The following SNX30 variants were observed in gnomAD, a reference collection of about 807,000 sequenced individuals.
The protein encoded by SNX30 is sorting nexin family member 30, also known as sorting nexin-30.
A neutral mutation model predicts 46.4 loss-of-function variants in SNX30; 24 were observed. The ratio of observed to expected loss-of-function variants is 0.52; its 90% CI spans 0.37 to 0.73. The LOEUF (loss-of-function observed/expected upper bound fraction) is 0.73. Ranked by LOEUF, SNX30 falls within the 30% of genes least tolerant of loss-of-function variation. The pLI is 0.00. For synonymous variants in SNX30, 189 were observed against 211.5 expected (o/e 0.89, Z 0.92); for missense variants, 533 against 555.7 (o/e 0.96, Z 0.41).
chr9:112,768,912 C>T (rs555671287), intron 1 of SNX30, among the ~76,000 whole-genome samples: 1 of 152,218 alleles, frequency 6.6e-6, no homozygotes, highest in Non-Finnish European at 1.5e-5. Flanking sequence ...ACTTCAGCCT[C>T]CCAAAGTGCT....
At position 112,873,379 on chromosome 9, in the gene SNX30, G is replaced by C. The variant is rs759701388; in HGVS notation, c.*4536G>C. 13 of 152,176 alleles carry C rather than the reference G, an allele frequency of 8.5e-5. No homozygotes were observed. Among genetic ancestry groups the C allele is most frequent in the Non-Finnish European group, 1.9e-4 (13 of 68,036 alleles). 9.4% of individuals were successfully genotyped at this position (152,176 alleles called of 1,614,324 possible). On this transcript the variant is annotated 3_prime_UTR_variant, in exon 9 of 9. Transcript: ENST00000374232. ...CCCAACTCTACTTTTTTGAGAATTTGTCCGTACCTACTAATATGCCTTATT... is the reference window on the plus strand; with the variant it reads ...CCCAACTCTACTTTTTTGAGAATTTCTCCGTACCTACTAATATGCCTTATT...
chr9:112,813,469 ATTTT>A (rs34581439), intron 2 of SNX30, among the ~76,000 whole-genome samples: 12 of 132,348 alleles, frequency 9.1e-5, no homozygotes, highest in Non-Finnish European at 1.6e-4. Context: ...ACTGTATTTA[ATTTT>A]TTTTTTTTTT....
chr9:112,824,938 C>T (rs1840559615), intron 3 of SNX30, among the ~76,000 whole-genome samples: 1 of 152,256 alleles, frequency 6.6e-6, no homozygotes, highest in East Asian at 1.9e-4. Flanking sequence ...CTATTTAATC[C>T]AGAACATTTT....
chr9:112,822,705 C>A (rs1840522752), intron 3 of SNX30, among the ~76,000 whole-genome samples: 1 of 152,040 alleles, frequency 6.6e-6, no homozygotes, highest in Admixed American at 6.6e-5. Context: ...TACCTGTAGA[C>A]CAAAAATATG....
At chr9:112,792,255 T>C (rs556733581) in intron 1 of SNX30, among the ~76,000 whole-genome samples, 12 of 152,334 alleles carry the variant, frequency 7.9e-5, no homozygotes, top group South Asian at 6.2e-4. Flanking sequence ...AGGTTTTTTC[T>C]CTCTATTTAA....
chr9:112,808,451 T>G (rs926149098), intron 2 of SNX30, among the ~76,000 whole-genome samples: 27 of 152,206 alleles, frequency 1.8e-4, no homozygotes, highest in Admixed American at 1.2e-3. Context: ...AGAGCCAGTT[T>G]AGGCCTTCTT....
chr9:112,814,995 G>A (rs1378768250), intron 2 of SNX30, among the ~76,000 whole-genome samples: 3 of 152,190 alleles, frequency 2.0e-5, no homozygotes, highest in Non-Finnish European at 4.4e-5. Flanking sequence ...AGATGTCCAA[G>A]ATGTGCTAAA....
chr9:112,786,699 C>T (rs976797418), intron 1 of SNX30, among the ~76,000 whole-genome samples: 2 of 149,952 alleles, frequency 1.3e-5, no homozygotes, highest in Non-Finnish European at 3.0e-5. Flanking sequence ...AGATGGGGTT[C>T]CACCATGTTG....
chr9:112,791,140 G>A (rs1011243136), intron 1 of SNX30, among the ~76,000 whole-genome samples: 7 of 151,948 alleles, frequency 4.6e-5, no homozygotes, highest in East Asian at 1.9e-4. Flanking sequence ...AACCATCATC[G>A]CTATCTAATT....
intron 1 of SNX30, among the ~76,000 whole-genome samples, chr9:112,768,444 T>G (rs1839581182): frequency 6.6e-6 from 1 of 152,152 alleles, no homozygotes; most frequent in African/African-American, 2.4e-5. Context: ...ACATGATCCC[T>G]AAGTGATTTG....
downstream of SNX30, among the ~76,000 whole-genome samples, chr9:112,884,722 C>T (rs1218776369): frequency 1.3e-5 from 2 of 152,242 alleles, no homozygotes; most frequent in African/African-American, 4.8e-5. Flanking sequence ...TGCATAAGCG[C>T]TCAATCAGTT....
intron 1 of SNX30, among the ~76,000 whole-genome samples, chr9:112,785,810 T>C (rs1282847216): frequency 6.6e-6 from 1 of 152,076 alleles, no homozygotes; most frequent in Non-Finnish European, 1.5e-5. Context: ...TAGGATTACT[T>C]GCCAGCCTAG....
intron 7 of SNX30, among the ~76,000 whole-genome samples, chr9:112,856,195 C>T (rs564035529): frequency 6.6e-5 from 10 of 152,122 alleles, no homozygotes; most frequent in East Asian, 5.8e-4. Context: ...CCCTGACCCA[C>T]GGGTAGCCTC....
chr9:112,874,270 C>T lies in SNX30; in HGVS notation c.*5427C>T, dbSNP rs1030823541. 2.0e-5 allele frequency: 3 copies of T among 152,182 alleles called. No individual in the cohort carries two copies. Among genetic ancestry groups the T allele is most frequent in the African/African-American group, 4.8e-5 (2 of 41,446 alleles). The allele number at this position is 152,182 out of a possible 1,614,324, so 9.4% of individuals were successfully genotyped here. A position where few individuals can be genotyped will look rare whatever the true frequency, so the allele number is the denominator to read the frequency against. On this transcript the variant is annotated 3_prime_UTR_variant, in exon 9 of 9. Transcript: ENST00000374232. ...CTTAAAGGCGCTTTTGGCCTAGACA[C>T]CCCTGAAGTTTGGATGAAGTCTGGT...
At chr9:112,784,797 C>T (rs1839895698) in intron 1 of SNX30, among the ~76,000 whole-genome samples, 1 of 152,184 alleles carries the variant, frequency 6.6e-6, no homozygotes, top group Admixed American at 6.5e-5. Context: ...CCAGGTCAAA[C>T]CTCCCTCTCT....
intron 1 of SNX30, among the ~76,000 whole-genome samples, chr9:112,789,612 G>A (rs1017203031): frequency 4.6e-5 from 7 of 152,188 alleles, no homozygotes; most frequent in African/African-American, 9.7e-5. Context: ...AACAGGAATT[G>A]TGTATGGTAA....
chr9:112,879,777 G>A (rs1408758178), downstream of SNX30: 1 of 1,612,574 alleles, frequency 6.2e-7, no homozygotes, highest in Admixed American at 1.7e-5. Context: ...TCTCTATGAT[G>A]TCTCCATATG....
At chr9:112,845,162 A>T (rs1588136262) in intron 6 of SNX30, among the ~76,000 whole-genome samples, 2 of 152,362 alleles carry the variant, frequency 1.3e-5, no homozygotes, top group African/African-American at 4.8e-5. Flanking sequence ...ACACATTTAA[A>T]CTTCACCAAA....
At chr9:112,762,508 T>C (rs1463431860) in intron 1 of SNX30, among the ~76,000 whole-genome samples, 1 of 150,824 alleles carries the variant, frequency 6.6e-6, no homozygotes, top group Non-Finnish European at 1.5e-5. Flanking sequence ...ATGTGAAAAA[T>C]GCTGCATGTA....
Sources: gnomAD v4.1 joint callset for allele counts (sites outside exome capture counted in the v4.1 genomes callset) on GRCh38, gnomAD v4.1.1 for gene constraint, MANE v1.5 for transcripts, NCBI Gene and HGNC (gene_info 2026-07-23, HGNC 2026-07-21) for gene names.